Variants in ZNF594 observed in about 807,000 individuals in gnomAD.
ZNF594 encodes the protein zinc finger protein HZF18.
For missense variants in ZNF594, 1,037 were observed against 964.6 expected, an observed-to-expected ratio of 1.08 and a Z score of -0.99; for synonymous variants, 336 against 309.4, an observed-to-expected ratio of 1.09 and a Z score of -0.90.
At position 5,180,718 on chromosome 17, in the gene ZNF594, T is replaced by C; in HGVS notation, c.*1115A>G. ...AAAAAATTGTATCGTTGGGACCATA[T>C]TCTAGTGTCAGTTCTGAGACAGAAA... On this transcript the variant is annotated 3_prime_UTR_variant, in exon 2 of 2. Transcript: ENST00000575779. 3.6e-6 allele frequency: 1 copy of C among 281,140 alleles called. No homozygotes were observed. Among genetic ancestry groups the C allele is most frequent in the Admixed American group, 5.0e-5 (1 of 20,004 alleles). 17.4% of individuals were successfully genotyped at this position (281,140 alleles called of 1,614,324 possible).
At position 5,183,977 on chromosome 17, in the gene ZNF594, C is replaced by T. The variant is rs2074369113; in HGVS notation, c.280G>A (p.Ala94Thr). 2 of 1,614,098 alleles carry T rather than the reference C, an allele frequency of 1.2e-6. No homozygotes were observed. The highest frequency in any genetic ancestry group is 1.7e-6 in the Non-Finnish European group (2 of 1,180,026). ...TCATATCTATGGGAGCTTTCTCCTGCAGAAAGTATTTTTTCTCCTTCATTA... is the reference window on the plus strand; with the variant it reads ...TCATATCTATGGGAGCTTTCTCCTGTAGAAAGTATTTTTTCTCCTTCATTA... ...GCNEGEKILSAGESSHRYEVS... is the reference protein window; with the variant it reads ...GCNEGEKILSTGESSHRYEVS... The change falls in exon 2 of 2, where the codon GCA becomes ACA. Residue 94 changes from alanine (A) to threonine (T), a missense_variant. Ala to Thr is a moderately conservative substitution (Grantham distance 58). Coordinates refer to ENST00000575779, the MANE Select transcript of ZNF594 (RefSeq NM_032530.2).
intron 1 of ZNF594, chr17:5,191,505 A>C (rs2074424152): frequency 6.6e-6 from 1 of 152,222 alleles, no homozygotes; most frequent in Non-Finnish European, 1.5e-5. Flanking sequence ...AGATGCCGTT[A>C]GCGGTACCCA....
In ZNF594 at chr17:5,181,873, C is replaced by T. The variant is rs200967376; in HGVS notation, c.2384G>A (p.Gly795Glu). The stretch of plus-strand genomic sequence containing the variant: ...AGGTCTGAGCTCTGATTGAGTTTTC[C>T]CACATTCTTTACATTCATATGGTTT... ...REKPYECKEC[G>E]KTQSELRPSE... The change falls in exon 2 of 2, where the codon GGG (glycine) becomes GAG (glutamate). Residue 795 changes from glycine (G) to glutamate (E), a missense_variant. Transcript: ENST00000575779. 1.3e-4 allele frequency: 215 copies of T among 1,613,676 alleles called. No homozygotes were observed. The African/African-American group carries it at 2.5e-3, about 18-fold the overall frequency.
At chr17:5,187,719 G>A (rs1286561593) in intron 1 of ZNF594, among the ~76,000 whole-genome samples, 1 of 152,104 alleles carries the variant, frequency 6.6e-6, no homozygotes, top group African/African-American at 2.4e-5. Flanking sequence ...ACCTCATAGA[G>A]TTGTTATGAG....
Position 5,181,658 on chromosome 17 carries a change from G to A in ZNF594, c.*175C>T, listed in dbSNP as rs774625647. ...TGCACTGATAGGGCTTCTCTCCAGT[G>A]TGGATTTTCTGGTGTGTGACAAGGT... On this transcript the variant is annotated 3_prime_UTR_variant, in exon 2 of 2. Transcript: ENST00000575779. 14 of 1,580,554 alleles carry A rather than the reference G, an allele frequency of 8.9e-6. No individual in the cohort carries two copies. The highest frequency in any genetic ancestry group is 2.2e-5 in the East Asian group (1 of 44,668).
Position 5,181,588 on chromosome 17 carries a change from G to T in ZNF594, c.*245C>A. ...TTCTCACCACTATGAATTCTCCGACGTTGAATAAGGAGTGAACGCCGCCTG... is the reference window on the plus strand; with the variant it reads ...TTCTCACCACTATGAATTCTCCGACTTTGAATAAGGAGTGAACGCCGCCTG... On this transcript the variant is annotated 3_prime_UTR_variant, in exon 2 of 2. Coordinates refer to ENST00000575779, the MANE Select transcript of ZNF594 (RefSeq NM_032530.2). 1.2e-6 allele frequency: 2 copies of T among 1,612,624 alleles called. No individual in the cohort carries two copies. Among genetic ancestry groups the T allele is most frequent in the Non-Finnish European group, 8.5e-7 (1 of 1,178,746 alleles).
At position 5,182,216 on chromosome 17, in the gene ZNF594, G is replaced by A. The variant is rs116878311; in HGVS notation, c.2041C>T (p.Gln681Ter). ...QKIHTGEKPY[Q>*]CSECGNAFRR... ...AAGGCATTCCCACATTCACTGCACTGATAGGGTTTCTCTCCAGTATGGATT... is the reference window on the plus strand; with the variant it reads ...AAGGCATTCCCACATTCACTGCACTAATAGGGTTTCTCTCCAGTATGGATT... The change falls in exon 2 of 2, where the codon CAG becomes TAG. Residue 681 changes from glutamine (Q) to a stop codon, truncating the protein, a stop_gained. Transcript: ENST00000575779. LOFTEE classifies it low-confidence loss of function (END_TRUNC). The A allele has an allele frequency of 4.0e-4, 645 of 1,613,512 alleles. 1 individual carries two copies. Among genetic ancestry groups the A allele is most frequent in the Non-Finnish European group, 5.0e-4 (587 of 1,179,962 alleles).
rs772458569 is a variant in ZNF594 at position 5,182,099 on chromosome 17, G to A, written c.2158C>T (p.His720Tyr). The A allele has an allele frequency of 1.5e-5, 25 of 1,613,572 alleles. No homozygotes were observed. The Admixed American group carries it at 4.2e-4, about 27-fold the overall frequency. ...CTCTGATGTTTGAGGAAAGCCGTGT[G>A]CCACATGAAGAGTTTCCCACATTCC... The part of the protein sequence containing the change: ...CKECGKLFMW[H>Y]TAFLKHQRLH... The change falls in exon 2 of 2, where the codon CAC becomes TAC. Residue 720 changes from histidine to tyrosine, a missense_variant. Coordinates refer to ENST00000575779, the MANE Select transcript of ZNF594 (RefSeq NM_032530.2).
rs972642477 is a variant in ZNF594 at position 5,183,604 on chromosome 17, T to C, written c.653A>G (p.Lys218Arg). 1 of 1,614,182 alleles carries C rather than the reference T, an allele frequency of 6.2e-7. No individual in the cohort carries two copies. The highest frequency in any genetic ancestry group is 1.3e-5 in the African/African-American group (1 of 75,048). Residue 218 changes from lysine to arginine, a missense_variant, in exon 2 of 2, where the codon AAG (lysine) becomes AGG (arginine). By Grantham distance (26) the Lys-to-Arg change is conservative. Coordinates refer to ENST00000575779, the MANE Select transcript of ZNF594 (RefSeq NM_032530.2). ...GNPYECKECGKAFKGSSNLVL... is the reference protein window; with the variant it reads ...GNPYECKECGRAFKGSSNLVL... Reference sequence around the variant, plus strand: ...AAGGTTTGAGCTTCCCTTAAAAGCCTTCCCACACTCTTTGCACTCATAGGG... The same window carrying C: ...AAGGTTTGAGCTTCCCTTAAAAGCCCTCCCACACTCTTTGCACTCATAGGG...
chr17:5,191,448 C>G (rs1055755363), intron 1 of ZNF594: 5 of 152,056 alleles, frequency 3.3e-5, no homozygotes, highest in African/African-American at 1.2e-4. Flanking sequence ...CAGATGTGGG[C>G]GAGGAATAAT....
chr17:5,189,662 C>T lies in ZNF594; in HGVS notation c.-21+2086G>A, dbSNP rs1006751910. ...CAATCCTCCCACTTCAGCCTGACAC[C>T]ATAGGCACACCACCATACCCAGCTA... On this transcript the variant is annotated intron_variant, in intron 1 of 1. Transcript: ENST00000575779. Among the ~76,000 whole-genome samples the T allele has an allele frequency of 2.0e-4, 30 of 151,964 alleles. 1 individual carries two copies. The highest frequency in any genetic ancestry group is 1.2e-3 in the Admixed American group (18 of 15,250).
Position 5,184,046 on chromosome 17 carries a change from T to C in ZNF594, c.211A>G (p.Ile71Val). 1.2e-6 allele frequency: 2 copies of C among 1,614,180 alleles called. No homozygotes were observed. Among genetic ancestry groups the C allele is most frequent in the Non-Finnish European group, 1.7e-6 (2 of 1,180,034 alleles). ...CCCACAATGGCTTTCTGGGGGATAA[T>C]ATGCATTTCCCTGATACCGCTCTCT... ...SQESGIREMH[I>V]IPQKAIVGEI... Residue 71 changes from isoleucine to valine, a missense_variant, in exon 2 of 2, where the codon ATT (isoleucine) becomes GTT (valine). Transcript: ENST00000575779.
chr17:5,177,080 C>T (rs1267099981), downstream of ZNF594, among the ~76,000 whole-genome samples: 1 of 151,856 alleles, frequency 6.6e-6, no homozygotes, highest in Non-Finnish European at 1.5e-5. Context: ...CCTGTAGTCC[C>T]AGCTACTCGG....
intron 1 of ZNF594, among the ~76,000 whole-genome samples, chr17:5,186,567 C>A (rs1399091127): frequency 6.6e-6 from 1 of 152,224 alleles, no homozygotes; most frequent in African/African-American, 2.4e-5. Context: ...GTTACTTATG[C>A]AAATTTCTGC....
chr17:5,183,954 A>T lies in ZNF594; in HGVS notation c.303T>A (p.Tyr101Ter), dbSNP rs200125164. 1 of 1,614,026 alleles carries T rather than the reference A, an allele frequency of 6.2e-7. No homozygotes were observed. Among genetic ancestry groups the T allele is most frequent in the Non-Finnish European group, 8.5e-7 (1 of 1,180,026 alleles). The change falls in exon 2 of 2, where the codon TAT becomes TAA. Residue 101 changes from tyrosine to a stop codon, truncating the protein, a stop_gained. Coordinates refer to ENST00000575779, the MANE Select transcript of ZNF594 (RefSeq NM_032530.2). LOFTEE classifies it low-confidence loss of function (END_TRUNC). The stretch of plus-strand genomic sequence containing the variant: ...GTTTGAAGTTTTGGCCACTAACCTC[A>T]TATCTATGGGAGCTTTCTCCTGCAG... ...ILSAGESSHR[Y>*]EVSGQNFKQK...
rs773976884 is a variant in ZNF594, at chr17:5,181,768, C to T, written c.*65G>A. 6.2e-7 allele frequency: 1 copy of T among 1,607,092 alleles called. No individual in the cohort carries two copies. Among genetic ancestry groups the T allele is most frequent in the South Asian group, 1.1e-5 (1 of 90,914 alleles). On this transcript the variant is annotated 3_prime_UTR_variant, in exon 2 of 2. Transcript: ENST00000575779. ...TGAACACGATGGTGTTTAATAAGATCTGAGCTGCTCCTAAAAGATTCCCCA... is the reference window on the plus strand; with the variant it reads ...TGAACACGATGGTGTTTAATAAGATTTGAGCTGCTCCTAAAAGATTCCCCA...
In ZNF594 at chr17:5,183,165, C is replaced by CCT. The variant is rs1158472489; in HGVS notation, c.1090_1091dup (p.Glu365GlyfsTer33). ...CTTCCTGGTGAATTCTCTGCTCTTC[C>CCT]CTAAGCTCCTCATCCTTGCTGAAGG... On this transcript the variant is annotated frameshift_variant, in exon 2 of 2. Transcript: ENST00000575779. LOFTEE classifies it low-confidence loss of function (END_TRUNC). 1 of 1,614,006 alleles carries CCT rather than the reference C, an allele frequency of 6.2e-7. No individual in the cohort carries two copies. Among genetic ancestry groups the CCT allele is most frequent in the African/African-American group, 1.3e-5 (1 of 74,908 alleles).
chr17:5,182,293 C>A lies in ZNF594; in HGVS notation c.1964G>T (p.Ser655Ile). Residue 655 changes from serine to isoleucine, a missense_variant, in exon 2 of 2, where the codon AGT becomes ATT. Ser to Ile is a moderately radical substitution (Grantham distance 142). Transcript: ENST00000575779. The part of the protein sequence containing the change: ...IHTGEKPYEC[S>I]ECGKAFSQRS... ...CTGGCTGAAGGCTTTCCCACATTCA[C>A]TACATTCATAGGGTTTCTCTCCAGT... The A allele has an allele frequency of 1.2e-6, 2 of 1,613,160 alleles. No individual in the cohort carries two copies. The highest frequency in any genetic ancestry group is 1.7e-6 in the Non-Finnish European group (2 of 1,179,848).
chr17:5,176,790 A>T (rs2074310998), downstream of ZNF594, among the ~76,000 whole-genome samples: 1 of 151,974 alleles, frequency 6.6e-6, no homozygotes. Flanking sequence ...AATCACATAA[A>T]CTCCCTTCTC....
Sources: allele counts gnomAD v4.1 joint callset (sites outside exome capture counted in the v4.1 genomes callset), GRCh38; gene constraint gnomAD v4.1.1; transcripts MANE v1.5; gene names NCBI Gene and HGNC (gene_info 2026-07-23, HGNC 2026-07-21).